Variants in ERCC6 observed in about 807,000 individuals in gnomAD.
The protein encoded by ERCC6 is DNA excision repair protein ERCC-6.
A neutral mutation model predicts 158.7 loss-of-function variants in ERCC6; 116 were observed. That is an observed-to-expected ratio of 0.73 (90% CI 0.63 to 0.85). The LOEUF is 0.85. ERCC6 is among the 40% of genes least tolerant of loss of function. The probability of loss-of-function intolerance (pLI) is 0.00; values close to 1 mark genes in which losing one functional copy is unlikely to be tolerated. For synonymous variants in ERCC6, 678 were observed against 659.3 expected (o/e 1.03, Z -0.43); for missense variants, 1,698 against 1,799.4 (o/e 0.94, Z 1.02).
intron 11 of ERCC6, among the ~76,000 whole-genome samples, chr10:49,477,062 G>A (rs371790548): frequency 2.6e-4 from 40 of 152,176 alleles, no homozygotes; most frequent in African/African-American, 9.2e-4. Context: ...GCTCCAGGGG[G>A]TCCTCTACGC....
intron 8 of ERCC6, among the ~76,000 whole-genome samples, chr10:49,487,618 C>T (rs1851099125): frequency 6.6e-6 from 1 of 152,116 alleles, no homozygotes; most frequent in Non-Finnish European, 1.5e-5. Flanking sequence ...AAGCCAAAGC[C>T]GAAATGAATT....
intron 5 of ERCC6, among the ~76,000 whole-genome samples, chr10:49,510,830 G>C (rs997724282): frequency 8.6e-5 from 13 of 151,946 alleles, no homozygotes; most frequent in African/African-American, 3.1e-4. Flanking sequence ...GAAACTTTCT[G>C]TTCTGTCTCA....
chr10:49,537,570 T>C (rs1173216027), intron 1 of ERCC6, among the ~76,000 whole-genome samples: 1 of 151,516 alleles, frequency 6.6e-6, no homozygotes, highest in Non-Finnish European at 1.5e-5. Flanking sequence ...AAGAGGAAAG[T>C]ACAAGGCTTT....
intron 18 of ERCC6, among the ~76,000 whole-genome samples, chr10:49,469,055 C>G (rs376259244): frequency 6.6e-6 from 1 of 152,030 alleles, no homozygotes; most frequent in South Asian, 2.1e-4. Flanking sequence ...GAAGGAAAAC[C>G]TTCCTTACAA....
At chr10:49,444,699 C>G in the ERCC6 span, among the ~76,000 whole-genome samples, 1 of 152,154 alleles carries the variant, frequency 6.6e-6, no homozygotes, top group African/African-American at 2.4e-5. Context: ...CCCAGTTTTA[C>G]AAGTAGTCTA....
intron 8 of ERCC6, among the ~76,000 whole-genome samples, chr10:49,489,677 T>A (rs1018891431): frequency 6.6e-6 from 1 of 152,118 alleles, no homozygotes; most frequent in African/African-American, 2.4e-5. Flanking sequence ...CAAAAAAAGG[T>A]AGGAGAGAGA....
the ERCC6 span, among the ~76,000 whole-genome samples, chr10:49,436,147 G>A: frequency 6.6e-6 from 1 of 152,030 alleles, no homozygotes; most frequent in Non-Finnish European, 1.5e-5. Context: ...ATATTCATTT[G>A]GGGAAACAAA....
At chr10:49,526,151 A>ATC in intron 4 of ERCC6, among the ~76,000 whole-genome samples, 1 of 86,220 alleles carries the variant, frequency 1.2e-5, no homozygotes, top group South Asian at 4.1e-4. Context: ...ATATATATAT[A>ATC]TATATATATA....
intron 12 of ERCC6, 36 bp from the exon 13 acceptor site, chr10:49,474,278 C>A (rs772112460): frequency 6.4e-5 from 98 of 1,537,830 alleles, no homozygotes; most frequent in Admixed American, 4.0e-4. Flanking sequence ...ACTCAGATGA[C>A]CCCATGTAAA....
chr10:49,473,003 A>G lies in ERCC6; in HGVS notation c.2735T>C (p.Leu912Pro), dbSNP rs1850809396. 1.2e-5 allele frequency: 19 copies of G among 1,614,054 alleles called. No homozygotes were observed. Among genetic ancestry groups the G allele is most frequent in the Non-Finnish European group, 1.5e-5 (18 of 1,180,038 alleles). The change falls in exon 15 of 21, where the codon CTG becomes CCG. Residue 912 changes from leucine to proline, a missense_variant. By Grantham distance (98) the Leu-to-Pro change is moderately conservative. Transcript: ENST00000355832. ...ACCTAAGCCGCCCACCCGCGTGGTCAGAAGAAACACAAATATGGATGTGTC... is the reference window on the plus strand; with the variant it reads ...ACCTAAGCCGCCCACCCGCGTGGTCGGAAGAAACACAAATATGGATGTGTC... ...NEDTSIFVFL[L>P]TTRVGGLGVN...
intron 7 of ERCC6, among the ~76,000 whole-genome samples, chr10:49,499,057 A>G (rs1189157970): frequency 6.6e-6 from 1 of 152,220 alleles, no homozygotes; most frequent in Non-Finnish European, 1.5e-5. Flanking sequence ...TAAAAAAATT[A>G]ACAGTCATAG....
At chr10:49,448,957 G>T in the ERCC6 span, among the ~76,000 whole-genome samples, 17 of 152,212 alleles carry the variant, frequency 1.1e-4, no homozygotes, top group African/African-American at 3.9e-4. Context: ...ACAAGTTTCT[G>T]TGTGGACATA....
Position 49,489,508 on chromosome 10 carries a change from T to C in ERCC6, c.1821+3609A>G, listed in dbSNP as rs78727017. ...AGTTATAAAACAGCAGATCCAAGAT[T>C]CGAACCCTGGTCTTGTAAGCACAAA... On this transcript the variant is annotated intron_variant, in intron 8 of 20. Coordinates refer to ENST00000355832, the MANE Select transcript of ERCC6 (RefSeq NM_000124.4). 1.6e-3 allele frequency among the ~76,000 whole-genome samples: 248 copies of C among 152,308 alleles called. 1 individual carries two copies. The highest frequency in any genetic ancestry group is 2.9e-3 in the Non-Finnish European group (196 of 68,016).
At chr10:49,476,001 C>T (rs867813997) in intron 12 of ERCC6, among the ~76,000 whole-genome samples, 44 of 152,354 alleles carry the variant, frequency 2.9e-4, no homozygotes, top group Admixed American at 3.9e-4. Context: ...GCACACAGCT[C>T]TGCAACTTTC....
chr10:49,497,651 T>C (rs749609902), intron 7 of ERCC6, among the ~76,000 whole-genome samples: 3 of 152,162 alleles, frequency 2.0e-5, no homozygotes, highest in Non-Finnish European at 4.4e-5. Flanking sequence ...TCAACTCCAT[T>C]AACAGTCACA....
At chr10:49,521,909 A>G (rs1837175100) in intron 5 of ERCC6, among the ~76,000 whole-genome samples, 1 of 152,212 alleles carries the variant, frequency 6.6e-6, no homozygotes, top group Non-Finnish European at 1.5e-5. Context: ...GTTAGGGTGA[A>G]CCTAGTGCCA....
intron 18 of ERCC6, among the ~76,000 whole-genome samples, chr10:49,463,697 A>G (rs182151909): frequency 3.9e-4 from 60 of 152,272 alleles, no homozygotes; most frequent in Admixed American, 6.5e-4. Context: ...AATTATGAAG[A>G]TGCGTCTTTC....
At chr10:49,465,610 G>A (rs1466499883) in intron 18 of ERCC6, among the ~76,000 whole-genome samples, 1 of 152,192 alleles carries the variant, frequency 6.6e-6, no homozygotes. Context: ...TGTCATGGGA[G>A]GAATCTGGTG....
chr10:49,450,287 AC>A (rs1398724530), downstream of ERCC6, among the ~76,000 whole-genome samples: 3 of 152,202 alleles, frequency 2.0e-5, no homozygotes, highest in Non-Finnish European at 4.4e-5. Flanking sequence ...TGGACTTGGC[AC>A]CTTTACTGAA....
Sources: gnomAD v4.1 joint callset for allele counts (sites outside exome capture counted in the v4.1 genomes callset) on GRCh38, gnomAD v4.1.1 for gene constraint, MANE v1.5 for transcripts, NCBI Gene and HGNC (gene_info 2026-07-23, HGNC 2026-07-21) for gene names.